KIAA1671: variants seen among roughly 807,000 people sequenced by gnomAD.
KIAA1671 encodes uncharacterized protein KIAA1671.
KIAA1671 carries 52 observed loss-of-function variants against 131.2 expected under a neutral mutation model. The ratio of observed to expected loss-of-function variants is 0.40; its 90% CI spans 0.32 to 0.50. The LOEUF (loss-of-function observed/expected upper bound fraction) is 0.50. KIAA1671 is among the 20% of genes least tolerant of loss of function. The pLI, the probability that KIAA1671 is intolerant of heterozygous loss-of-function variation, is 0.73. For synonymous variants in KIAA1671, 1,003 were observed against 961.6 expected (o/e 1.04, Z -0.80); for missense variants, 2,360 against 2,364.2 (o/e 1.00, Z 0.04).
chr22:25,160,254 C>T (rs1051098564), intron 6 of KIAA1671, among the ~76,000 whole-genome samples: 2 of 152,130 alleles, frequency 1.3e-5, no homozygotes, highest in Non-Finnish European at 2.9e-5. Flanking sequence ...CTCATGACAA[C>T]GGGTCAGGAG....
intron 5 of KIAA1671, among the ~76,000 whole-genome samples, chr22:25,044,762 T>G (rs1008405464): frequency 3.9e-5 from 6 of 152,252 alleles, no homozygotes; most frequent in Admixed American, 1.3e-4. Context: ...TTACATTGTT[T>G]ATGTCCTTTC....
At chr22:25,188,250 G>A (rs1934542119) in intron 11 of KIAA1671, among the ~76,000 whole-genome samples, 1 of 152,196 alleles carries the variant, frequency 6.6e-6, no homozygotes, top group African/African-American at 2.4e-5. Flanking sequence ...GCAGTAAGCC[G>A]AGATGGCGCC....
intron 5 of KIAA1671, chr22:25,048,977 C>T: frequency 4.4e-6 from 2 of 459,204 alleles, no homozygotes; most frequent in Non-Finnish European, 7.8e-6. Context: ...GTTCCTTTCC[C>T]AGATAGTTGA....
Position 25,041,138 on chromosome 22 carries a change from T to A in KIAA1671, c.4008T>A (p.His1336Gln). ...ACAGAAAGGCCTTTGCCAGTAAACA[T>A]CATGTTGCAAAGTGTCAGAATTACC... The part of the protein sequence containing the change: ...EDDRKAFASK[H>Q]HVAKCQNYLA... The change falls in exon 5 of 13, where the codon CAT (histidine) becomes CAA (glutamine). Residue 1336 changes from histidine to glutamine, a missense_variant. Physicochemically the swap from His to Gln is conservative, Grantham distance 24. Coordinates refer to ENST00000358431, the MANE Select transcript of KIAA1671 (RefSeq NM_001145206.2). The A allele has an allele frequency of 1.9e-6, 3 of 1,550,942 alleles. No homozygotes were observed. In the South Asian group the frequency reaches 3.6e-5, roughly 18 times the overall value.
intron 1 of KIAA1671, among the ~76,000 whole-genome samples, chr22:24,965,854 T>C (rs1015578741): frequency 3.3e-5 from 5 of 152,170 alleles, no homozygotes; most frequent in Admixed American, 1.3e-4. Flanking sequence ...TTGCTTGTTG[T>C]AGTAGCAGAA....
At chr22:25,122,501 C>G (rs1324178465) in intron 6 of KIAA1671, among the ~76,000 whole-genome samples, 2 of 152,224 alleles carry the variant, frequency 1.3e-5, no homozygotes, top group Non-Finnish European at 2.9e-5. Context: ...TGAGCTGCCA[C>G]TCTCTGCCTG....
intron 1 of KIAA1671, among the ~76,000 whole-genome samples, chr22:25,015,794 G>A (rs900817367): frequency 8.5e-5 from 13 of 152,130 alleles, no homozygotes; most frequent in South Asian, 4.2e-4. Flanking sequence ...ATCTCAAGCT[G>A]TTCCCCTGGA....
At chr22:25,169,764 C>T in intron 6 of KIAA1671, among the ~76,000 whole-genome samples, 1 of 151,572 alleles carries the variant, frequency 6.6e-6, no homozygotes, top group African/African-American at 2.5e-5. Context: ...TCCCTGCGTG[C>T]CCTCTCTGAG....
At chr22:25,117,402 C>T (rs1931718511) in intron 6 of KIAA1671, among the ~76,000 whole-genome samples, 2 of 152,082 alleles carry the variant, frequency 1.3e-5, no homozygotes, top group Non-Finnish European at 2.9e-5. Flanking sequence ...CTCCATCCAG[C>T]ATGTGTCGGC....
At chr22:25,099,105 C>T (rs1223265553) in intron 6 of KIAA1671, among the ~76,000 whole-genome samples, 1 of 152,222 alleles carries the variant, frequency 6.6e-6, no homozygotes, top group African/African-American at 2.4e-5. Flanking sequence ...GCACAGGCCT[C>T]CAAGTCAGAC....
At chr22:25,042,841 T>C (rs1927023181) in intron 5 of KIAA1671, among the ~76,000 whole-genome samples, 1 of 152,048 alleles carries the variant, frequency 6.6e-6, no homozygotes, top group Non-Finnish European at 1.5e-5. Flanking sequence ...AGGCAGGTGC[T>C]ACAGGGGCCA....
At chr22:25,103,089 A>G (rs1329055887) in intron 6 of KIAA1671, among the ~76,000 whole-genome samples, 1 of 152,140 alleles carries the variant, frequency 6.6e-6, no homozygotes, top group East Asian at 1.9e-4. Flanking sequence ...AGGCCTGGGG[A>G]ACAACCCAGG....
intron 4 of KIAA1671, among the ~76,000 whole-genome samples, chr22:25,033,151 G>T (rs1028480645): frequency 6.6e-6 from 1 of 152,148 alleles, no homozygotes; most frequent in Non-Finnish European, 1.5e-5. Flanking sequence ...GGGAGGCTGA[G>T]GTGGAGGGAG....
At chr22:25,044,172 G>C (rs1347054303) in intron 5 of KIAA1671, among the ~76,000 whole-genome samples, 2 of 152,230 alleles carry the variant, frequency 1.3e-5, no homozygotes, top group Non-Finnish European at 2.9e-5. Flanking sequence ...CTACTTGCCT[G>C]CTGTGTGTAA....
rs1215746227 is a variant in KIAA1671, at chr22:25,049,242, G to A, written c.4408G>A (p.Asp1470Asn). ...CTCTGTGTTTCAGGTGCTGCCACGG[G>A]ACCTGGAGAAGGAGGATGCCCCCCA... ...TGDSHKVLPR[D>N]LEKEDAPQEK... Residue 1470 changes from aspartate to asparagine, a missense_variant, in exon 6 of 13, where the codon GAC becomes AAC. Physicochemically the swap from Asp to Asn is conservative, Grantham distance 23. This residue lies in a region of KIAA1671 where 1,161 missense variants were observed against 1,204.7 expected (regional missense o/e 0.96). Coordinates refer to ENST00000358431, the MANE Select transcript of KIAA1671 (RefSeq NM_001145206.2). The A allele has an allele frequency of 1.3e-6, 2 of 1,551,870 alleles. No individual in the cohort carries two copies. Among genetic ancestry groups the A allele is most frequent in the East Asian group, 2.4e-5 (1 of 40,928 alleles).
At chr22:25,012,177 G>C (rs1311176192) in intron 1 of KIAA1671, 2 of 151,848 alleles carry the variant, frequency 1.3e-5, no homozygotes, top group African/African-American at 4.8e-5. Context: ...GATTTTCCCT[G>C]TTCAGATTAA....
At chr22:25,002,624 G>C (rs572129959) in intron 1 of KIAA1671, among the ~76,000 whole-genome samples, 40 of 152,198 alleles carry the variant, frequency 2.6e-4, no homozygotes, top group Non-Finnish European at 5.3e-4. Flanking sequence ...GAAAACTGCA[G>C]ATGTTCTTAG....
In KIAA1671 at chr22:25,029,230, C is replaced by T; in HGVS notation, c.1231C>T (p.Leu411=). The change falls in exon 3 of 13, where the codon CTA becomes TTA. Residue 411 remains leucine, a synonymous_variant. Transcript: ENST00000358431. ...ESPSPRLGRG[L]ELAEVKSRVA... is the part of the protein sequence containing the mutation. Reference sequence around the variant, plus strand: ...CCCCTCACCCAGGCTGGGAAGGGGCCTAGAACTTGCTGAGGTTAAGAGCAG... The same window carrying T: ...CCCCTCACCCAGGCTGGGAAGGGGCTTAGAACTTGCTGAGGTTAAGAGCAG... The T allele has an allele frequency of 6.8e-7, 1 of 1,474,128 alleles. No individual in the cohort carries two copies. The highest frequency in any genetic ancestry group is 9.0e-7 in the Non-Finnish European group (1 of 1,108,130). 91.3% of individuals were successfully genotyped at this position (1,474,128 alleles called of 1,614,324 possible).
chr22:25,008,808 G>C (rs1924880212), intron 1 of KIAA1671, among the ~76,000 whole-genome samples: 1 of 152,256 alleles, frequency 6.6e-6, no homozygotes. Flanking sequence ...CAATAAACTT[G>C]CAATGGTTCA....
Sources: allele counts gnomAD v4.1 joint callset (sites outside exome capture counted in the v4.1 genomes callset), GRCh38; gene constraint gnomAD v4.1.1; regional missense constraint gnomAD v4.1.1; transcripts MANE v1.5; gene names NCBI Gene and HGNC (gene_info 2026-07-23, HGNC 2026-07-21).